The following GATB variants were observed in gnomAD, a reference collection of about 807,000 sequenced individuals.
GATB encodes glutamyl-tRNA(Gln) amidotransferase subunit B, mitochondrial.
A neutral mutation model predicts 62.3 loss-of-function variants in GATB; 39 were observed. The observed-to-expected ratio is 0.63, with a 90% CI of 0.48 to 0.82. The LOEUF is 0.82. Ranked by LOEUF, GATB falls within the 40% of genes least tolerant of loss-of-function variation. The probability of loss-of-function intolerance (pLI) is 0.00; values close to 1 mark genes in which losing one functional copy is unlikely to be tolerated. For missense variants in GATB, 670 were observed against 684.0 expected, an observed-to-expected ratio of 0.98 and a Z score of 0.23; for synonymous variants, 276 against 258.9, an observed-to-expected ratio of 1.07 and a Z score of -0.63.
intron 5 of GATB, among the ~76,000 whole-genome samples, chr4:151,711,298 T>C (rs1738814716): frequency 6.6e-6 from 1 of 152,224 alleles, no homozygotes. Context: ...TCAGACTATG[T>C]CTTTCCCTTG....
intron 10 of GATB, 112 bp from the exon 11 acceptor site, chr4:151,680,003 C>CTAGAATGGGTCCTGCCTAGGCCT (rs1738103657): frequency 2.4e-6 from 2 of 846,448 alleles, no homozygotes; most frequent in Non-Finnish European, 4.0e-6. Context: ...ATCGGACCCA[C>CTAGAATGGGTCCTGCCTAGGCCT]GCCTAGGGAT....
At chr4:151,671,360 A>G (rs1013051509) in intron 12 of GATB, 58 bp from the exon 13 acceptor site, 23 of 1,530,808 alleles carry the variant, frequency 1.5e-5, no homozygotes, top group Non-Finnish European at 1.7e-5. Flanking sequence ...CATGCCCCCA[A>G]ATCCCAAACT....
chr4:151,743,530 T>C (rs1739538066), intron 2 of GATB, among the ~76,000 whole-genome samples: 1 of 152,246 alleles, frequency 6.6e-6, no homozygotes, highest in African/African-American at 2.4e-5. Context: ...TATACATATC[T>C]GTAAAATAAT....
At chr4:151,749,224 G>A (rs1422352659) in intron 2 of GATB, among the ~76,000 whole-genome samples, 3 of 152,060 alleles carry the variant, frequency 2.0e-5, no homozygotes, top group Non-Finnish European at 4.4e-5. Context: ...TGTTTATTGC[G>A]GCACTATTCA....
chr4:151,688,573 A>T, intron 10 of GATB, 57 bp downstream of exon 10: 1 of 1,537,752 alleles, frequency 6.5e-7, no homozygotes, highest in Non-Finnish European at 8.7e-7. Context: ...CCCTATTTCC[A>T]GCACTTCTGG....
chr4:151,694,603 C>T (rs192742288), intron 9 of GATB, among the ~76,000 whole-genome samples: 5 of 152,242 alleles, frequency 3.3e-5, no homozygotes, highest in Middle Eastern at 3.4e-3. Context: ...GAAAATTGCA[C>T]GGAGCTGAAA....
intron 5 of GATB, among the ~76,000 whole-genome samples, chr4:151,714,384 G>A (rs1738875478): frequency 6.6e-6 from 1 of 152,248 alleles, no homozygotes; most frequent in African/African-American, 2.4e-5. Flanking sequence ...GCAAAGGAGA[G>A]GGGGCTGATA....
chr4:151,671,052 G>T lies in GATB; in HGVS notation c.*122C>A. ...TGGTGACATTAATGCCATAGCTGTG[G>T]CTTGGGACAGGGATTGAGAGGCAGC... On this transcript the variant is annotated 3_prime_UTR_variant, in exon 13 of 13. Coordinates refer to ENST00000263985, the MANE Select transcript of GATB (RefSeq NM_004564.3). 1.8e-6 allele frequency: 2 copies of T among 1,119,654 alleles called. No homozygotes were observed. The highest frequency in any genetic ancestry group is 2.6e-6 in the Non-Finnish European group (2 of 761,344). 69.4% of individuals were successfully genotyped at this position (1,119,654 alleles called of 1,614,324 possible). A position where few individuals can be genotyped will look rare whatever the true frequency, so the allele number is the denominator to read the frequency against.
intron 12 of GATB, 138 bp downstream of exon 12, chr4:151,672,624 G>T: frequency 1.2e-6 from 1 of 819,614 alleles, no homozygotes; most frequent in Non-Finnish European, 1.9e-6. Flanking sequence ...CTAAAAAGAT[G>T]ACAGTGAGGG....
At chr4:151,724,702 A>T (rs1053882960) in intron 2 of GATB, among the ~76,000 whole-genome samples, 3 of 151,928 alleles carry the variant, frequency 2.0e-5, no homozygotes, top group African/African-American at 7.3e-5. Context: ...TTCGGATGTC[A>T]CCTGTTTTGT....
At chr4:151,712,609 C>T (rs769329114) in intron 5 of GATB, among the ~76,000 whole-genome samples, 24 of 152,034 alleles carry the variant, frequency 1.6e-4, no homozygotes, top group Admixed American at 4.6e-4. Flanking sequence ...TAAGCTATCT[C>T]GTTCTGATCA....
intron 9 of GATB, among the ~76,000 whole-genome samples, chr4:151,694,665 A>G (rs1019107206): frequency 1.3e-5 from 2 of 152,226 alleles, no homozygotes; most frequent in Non-Finnish European, 2.9e-5. Flanking sequence ...CAGTAGTTAG[A>G]AGGTGAGTAC....
Position 151,705,155 on chromosome 4 carries a change from TG to T in GATB, c.962+29del, listed in dbSNP as rs1560850736. ...AGCCCTCTCGCACCACCCCCGGCTG[TG>T]GTCAGGACGCTCAGCAATGCGAACT... On this transcript the variant is annotated intron_variant, in intron 7 of 12. Transcript: ENST00000263985. 16 of 1,530,814 alleles carry T rather than the reference TG, an allele frequency of 1.0e-5. 1 individual carries two copies. The South Asian group carries it at 1.7e-4, about 16-fold the overall frequency. The allele number at this position is 1,530,814 out of a possible 1,614,324, so 94.8% of individuals were successfully genotyped here. A position where few individuals can be genotyped will look rare whatever the true frequency, so the allele number is the denominator to read the frequency against.
intron 2 of GATB, among the ~76,000 whole-genome samples, chr4:151,735,734 G>GTATATATATATATATATATA (rs1491213513): frequency 0.043 from 4,009 of 92,744 alleles, 661 homozygotes; most frequent in Non-Finnish European, 0.049. Context: ...ATAAACTGTG[G>GTATATATATATATATATATA]TGTATATATA....
intron 2 of GATB, among the ~76,000 whole-genome samples, chr4:151,734,672 G>T (rs1241487662): frequency 6.6e-6 from 1 of 152,088 alleles, no homozygotes; most frequent in Non-Finnish European, 1.5e-5. Flanking sequence ...CACACTACCT[G>T]ATTTTAAACT....
chr4:151,720,852 C>T (rs1010383970), intron 2 of GATB: 5 of 148,968 alleles, frequency 3.4e-5, no homozygotes, highest in East Asian at 1.9e-4. Flanking sequence ...GCTGGGATGA[C>T]GAGTGTAGAC....
chr4:151,717,184 AAAC>A (rs1738931145), intron 3 of GATB, 110 bp from the exon 4 acceptor site: 16 of 1,001,708 alleles, frequency 1.6e-5, no homozygotes, highest in Non-Finnish European at 1.7e-5. Flanking sequence ...CTTAAAGCAA[AAAC>A]AACAAGAAAA....
intron 3 of GATB, 188 bp from the exon 4 acceptor site, chr4:151,717,262 C>A (rs1242623421): frequency 5.0e-6 from 3 of 595,538 alleles, no homozygotes; most frequent in African/African-American, 1.9e-5. Context: ...TCTCTTCTGC[C>A]CCTGCCATCA....
At chr4:151,738,445 G>A (rs1204312819) in intron 2 of GATB, among the ~76,000 whole-genome samples, 2 of 152,200 alleles carry the variant, frequency 1.3e-5, no homozygotes, top group Non-Finnish European at 2.9e-5. Flanking sequence ...TATGAGACAT[G>A]CCTTTCACCT....
Sources: allele counts gnomAD v4.1 joint callset (sites outside exome capture counted in the v4.1 genomes callset), GRCh38; gene constraint gnomAD v4.1.1; transcripts MANE v1.5; gene names NCBI Gene and HGNC (gene_info 2026-07-23, HGNC 2026-07-21).